Variants in SAMMSON observed in about 807,000 individuals in gnomAD.
SAMMSON encodes survival associated mitochondrial melanoma specific oncogenic non-coding RNA.
At chr3:70,226,011 C>T (rs1559539508) in intron 4 of SAMMSON, among the ~76,000 whole-genome samples, 1 of 152,066 alleles carries the variant, frequency 6.6e-6, no homozygotes, top group Non-Finnish European at 1.5e-5. Flanking sequence ...CAATTCCTCT[C>T]TATATTGAAG....
chr3:70,312,962 TAAAAG>T (rs1345242522), intron 7 of SAMMSON, among the ~76,000 whole-genome samples: 4 of 152,138 alleles, frequency 2.6e-5, no homozygotes, highest in African/African-American at 9.7e-5. Flanking sequence ...CTATTTTGGT[TAAAAG>T]AAAAGAAAGG....
At chr3:70,055,478 G>A (rs2067163701) in intron 3 of SAMMSON, among the ~76,000 whole-genome samples, 1 of 152,016 alleles carries the variant, frequency 6.6e-6, no homozygotes, top group South Asian at 2.1e-4. Flanking sequence ...TTCACAATTC[G>A]TGAACTTTTT....
chr3:70,110,183 T>G (rs2067382958), intron 4 of SAMMSON, among the ~76,000 whole-genome samples: 1 of 152,202 alleles, frequency 6.6e-6, no homozygotes, highest in Admixed American at 6.5e-5. Flanking sequence ...TCGTGTGTCT[T>G]TCTCTCTACT....
At chr3:70,406,006 A>G (rs1306844043) in intron 2 of SAMMSON, among the ~76,000 whole-genome samples, 5 of 152,246 alleles carry the variant, frequency 3.3e-5, no homozygotes, top group Admixed American at 6.5e-5. Context: ...TATATTTAGT[A>G]ACAATGTATT....
intron 4 of SAMMSON, among the ~76,000 whole-genome samples, chr3:70,179,264 C>T (rs555542087): frequency 6.6e-6 from 1 of 152,278 alleles, no homozygotes; most frequent in African/African-American, 2.4e-5. Flanking sequence ...ACTTCTTAAA[C>T]CTTGGTTCCC....
intron 3 of SAMMSON, among the ~76,000 whole-genome samples, chr3:70,037,366 C>T (rs979775433): frequency 2.0e-5 from 3 of 152,014 alleles, no homozygotes; most frequent in African/African-American, 7.2e-5. Flanking sequence ...TAAGAAATCC[C>T]TCTCAGGGCC....
intron 4 of SAMMSON, among the ~76,000 whole-genome samples, chr3:70,140,652 A>T (rs539744532): frequency 6.6e-6 from 1 of 152,180 alleles, no homozygotes; most frequent in South Asian, 2.1e-4. Context: ...CAGTGATTCT[A>T]TCTTAATGAA....
chr3:70,343,084 CTTT>C, intron 7 of SAMMSON, among the ~76,000 whole-genome samples: 1 of 152,022 alleles, frequency 6.6e-6, no homozygotes, highest in Admixed American at 6.6e-5. Context: ...TTAAAATAAG[CTTT>C]TTATTTTAGA....
intron 6 of SAMMSON, among the ~76,000 whole-genome samples, chr3:70,256,050 T>A (rs909529857): frequency 1.2e-4 from 18 of 152,332 alleles, no homozygotes; most frequent in African/African-American, 3.8e-4. Flanking sequence ...ATTATTTTTT[T>A]GATACACATA....
chr3:70,339,687 A>C (rs1702695001), intron 7 of SAMMSON, among the ~76,000 whole-genome samples: 1 of 152,222 alleles, frequency 6.6e-6, no homozygotes, highest in South Asian at 2.1e-4. Flanking sequence ...AGAAATGCAA[A>C]TCAAAACCAC....
chr3:70,414,080 A>G (rs1024888), intron 2 of SAMMSON, among the ~76,000 whole-genome samples: 98,658 of 151,976 alleles, frequency 0.65, 32,214 homozygotes, highest in South Asian at 0.7. Flanking sequence ...TCCTACATTT[A>G]TCTTAGATAA....
intron 6 of SAMMSON, among the ~76,000 whole-genome samples, chr3:70,281,062 CAT>C (rs1196695120): frequency 2.0e-5 from 3 of 152,112 alleles, no homozygotes; most frequent in African/African-American, 7.2e-5. Context: ...ATCTCATGTA[CAT>C]GTTAATAAAT....
chr3:70,417,017 T>C (rs973543086), intron 2 of SAMMSON, among the ~76,000 whole-genome samples: 1 of 152,062 alleles, frequency 6.6e-6, no homozygotes, highest in African/African-American at 2.4e-5. Flanking sequence ...CAGACATCAC[T>C]AATCAGCTAA....
chr3:70,428,826 A>G (rs1007969702), intron 2 of SAMMSON, among the ~76,000 whole-genome samples: 1 of 152,156 alleles, frequency 6.6e-6, no homozygotes, highest in Non-Finnish European at 1.5e-5. Flanking sequence ...CTATTTTGTT[A>G]TCTTTCTTCC....
intron 4 of SAMMSON, among the ~76,000 whole-genome samples, chr3:70,143,449 G>A (rs190062968): frequency 1.3e-5 from 2 of 152,022 alleles, no homozygotes; most frequent in African/African-American, 2.4e-5. Flanking sequence ...TTTGTTTTTC[G>A]TGTACCCATT....
intron 4 of SAMMSON, among the ~76,000 whole-genome samples, chr3:70,185,688 C>T (rs1313299542): frequency 2.0e-5 from 3 of 151,878 alleles, no homozygotes; most frequent in Non-Finnish European, 4.4e-5. Context: ...CTAAACTCTT[C>T]CATGGGTCAT....
intron 6 of SAMMSON, among the ~76,000 whole-genome samples, chr3:70,288,775 A>C (rs1575616586): frequency 6.6e-6 from 1 of 151,914 alleles, no homozygotes; most frequent in South Asian, 2.1e-4. Flanking sequence ...TAGGATAGTT[A>C]GCTCTTCTTG....
intron 2 of SAMMSON, among the ~76,000 whole-genome samples, chr3:70,401,215 CAG>C (rs1375134216): frequency 6.6e-6 from 1 of 152,122 alleles, no homozygotes; most frequent in African/African-American, 2.4e-5. Context: ...TCCACATTAA[CAG>C]AGGTTTTCTG....
chr3:70,281,238 C>T (rs1111622), intron 6 of SAMMSON, among the ~76,000 whole-genome samples: 31,560 of 152,010 alleles, frequency 0.21, 3,496 homozygotes, highest in South Asian at 0.28. Context: ...TGTTCCTCTT[C>T]TGCATAAATT....
Sources: gnomAD v4.1 joint callset for allele counts (sites outside exome capture counted in the v4.1 genomes callset) on GRCh38, gnomAD v4.1.1 for gene constraint, MANE v1.5 for transcripts, NCBI Gene and HGNC (gene_info 2026-07-23, HGNC 2026-07-21) for gene names.